Variants in ARNT observed in about 807,000 individuals in gnomAD.
The protein encoded by ARNT is class E basic helix-loop-helix protein 2.
In ARNT, 30 loss-of-function variants were observed where a neutral mutation model predicts 105.0. The observed-to-expected ratio is 0.29, with a 90% CI of 0.21 to 0.39. The LOEUF is 0.39. ARNT is among the 10% of genes least tolerant of loss of function. The pLI is 1.00. For missense variants in ARNT, 748 were observed against 978.7 expected (o/e 0.76, Z 3.15); for synonymous variants, 304 against 344.0 (o/e 0.88, Z 1.29).
chr1:150,867,543 T>G (rs587660089), intron 1 of ARNT, among the ~76,000 whole-genome samples: 1 of 152,246 alleles, frequency 6.6e-6, no homozygotes, highest in Admixed American at 6.5e-5. Flanking sequence ...AAGAGAGAGA[T>G]ATCTTTTAAA....
At chr1:150,844,156 TTA>T (rs1340022201) in intron 4 of ARNT, among the ~76,000 whole-genome samples, 1 of 152,262 alleles carries the variant, frequency 6.6e-6, no homozygotes, top group African/African-American at 2.4e-5. Context: ...ACTTCTCATT[TTA>T]GAGATGGTTC....
In ARNT at chr1:150,831,865, A is replaced by T. The variant is rs186496166; in HGVS notation, c.908T>A (p.Phe303Tyr). 1 of 1,598,442 alleles carries T rather than the reference A, an allele frequency of 6.3e-7. No individual in the cohort carries two copies. The highest frequency in any genetic ancestry group is 8.5e-7 in the Non-Finnish European group (1 of 1,176,134). ...LGSVKDGEPH[F>Y]VVVHCTGYIK... Reference sequence around the variant, plus strand: ...GTAGCCTGTGCAGTGGACCACCACGAAGTGAGGTTCCCCATCCTTTACAGA... The same window carrying T: ...GTAGCCTGTGCAGTGGACCACCACGTAGTGAGGTTCCCCATCCTTTACAGA... The change falls in exon 10 of 22, where the codon TTC becomes TAC. Residue 303 changes from phenylalanine to tyrosine, a missense_variant. Transcript: ENST00000358595.
intron 2 of ARNT, among the ~76,000 whole-genome samples, chr1:150,856,134 C>A (rs1297619070): frequency 6.6e-6 from 1 of 152,182 alleles, no homozygotes; most frequent in Admixed American, 6.5e-5. Context: ...TCTGTATTTT[C>A]CAATCTTTCT....
rs770675326 is a variant in ARNT at position 150,816,329 on chromosome 1, C to T, written c.1880G>A (p.Arg627His). The change falls in exon 19 of 22, where the codon CGC becomes CAC. Residue 627 changes from arginine to histidine, a missense_variant. This residue lies in a region of ARNT where 360 missense variants were observed against 411.9 expected (regional missense o/e 0.87). Coordinates refer to ENST00000358595, the MANE Select transcript of ARNT (RefSeq NM_001668.4). The stretch of plus-strand genomic sequence containing the variant: ...TGCTCCTTGGGTGGGGTTGGAGTGG[C>T]GGGAAATCTGGGCCAACATCTGTCC... ...SAGQMLAQIS[R>H]HSNPTQGATP... is the part of the protein sequence containing the mutation. 15 of 1,606,890 alleles carry T rather than the reference C, an allele frequency of 9.3e-6. No individual in the cohort carries two copies. Among genetic ancestry groups the T allele is most frequent in the South Asian group, 4.4e-5 (4 of 90,010 alleles).
intron 2 of ARNT, among the ~76,000 whole-genome samples, chr1:150,857,454 T>C (rs1664839530): frequency 6.6e-6 from 1 of 152,224 alleles, no homozygotes; most frequent in African/African-American, 2.4e-5. Flanking sequence ...GGTTAAAATC[T>C]GTAAAGCTAC....
intron 1 of ARNT, among the ~76,000 whole-genome samples, chr1:150,864,472 C>T (rs367823412): frequency 2.2e-4 from 34 of 151,680 alleles, no homozygotes; most frequent in Middle Eastern, 3.4e-3. Context: ...GGGACATGGA[C>T]GAAATTGGAA....
At position 150,862,861 on chromosome 1, in the gene ARNT, G is replaced by A. The variant is rs146132507; in HGVS notation, c.26-4401C>T. On this transcript the variant is annotated intron_variant, in intron 1 of 21. Transcript: ENST00000358595. The stretch of plus-strand genomic sequence containing the variant: ...ACATCAGGAGTTCGAGACCAGCCTG[G>A]CCAATATGGTGAAACTCCGTGTCTA... Among the ~76,000 whole-genome samples the A allele has an allele frequency of 3.2e-3, 493 of 151,722 alleles. 2 individuals are homozygous for A. Among genetic ancestry groups the A allele is most frequent in the African/African-American group, 0.011 (472 of 41,386 alleles).
At chr1:150,854,694 T>C (rs892571013) in intron 2 of ARNT, among the ~76,000 whole-genome samples, 1 of 151,604 alleles carries the variant, frequency 6.6e-6, no homozygotes, top group African/African-American at 2.4e-5. Context: ...TCGTCTCTAC[T>C]AAAAATACAA....
At chr1:150,822,571 A>G (rs1016739526) in intron 14 of ARNT, among the ~76,000 whole-genome samples, 8 of 152,142 alleles carry the variant, frequency 5.3e-5, no homozygotes, top group African/African-American at 1.9e-4. Context: ...AAGGGTCTGA[A>G]AGCTCTGCAC....
At position 150,817,426 on chromosome 1, in the gene ARNT, G is replaced by C; in HGVS notation, c.1513C>G (p.Gln505Glu). Residue 505 changes from glutamine (Q) to glutamate (E), a missense_variant, in exon 16 of 22, where the codon CAA becomes GAA. Physicochemically the swap from Gln to Glu is conservative, Grantham distance 29. Coordinates refer to ENST00000358595, the MANE Select transcript of ARNT (RefSeq NM_001668.4). ...GSGQLAPRQQ[Q>E]QQTELDMVPG... ...ACCATGTCCAATTCTGTTTGCTGTT[G>C]CTGCTGCCTATATGTCAAAGGCCAG... 6.8e-6 allele frequency: 11 copies of C among 1,614,020 alleles called. No individual in the cohort carries two copies. The highest frequency in any genetic ancestry group is 6.8e-6 in the Non-Finnish European group (8 of 1,179,992).
Position 150,852,785 on chromosome 1 carries a change from T to G in ARNT, c.159A>C (p.Gly53=). The G allele has an allele frequency of 6.2e-7, 1 of 1,613,968 alleles. No homozygotes were observed. The highest frequency in any genetic ancestry group is 8.5e-7 in the Non-Finnish European group (1 of 1,179,936). Residue 53 remains glycine, a synonymous_variant, in exon 3 of 22, where the codon GGA becomes GGC. Coordinates refer to ENST00000358595, the MANE Select transcript of ARNT (RefSeq NM_001668.4). ...ACCTCAAAAATTTACTGTTCCCTTCTCCATCATCATCAAAATCCAGCCTGA... is the reference window on the plus strand; with the variant it reads ...ACCTCAAAAATTTACTGTTCCCTTCGCCATCATCATCAAAATCCAGCCTGA... ...RRPGLDFDDD[G]EGNSKFLRCD...
At chr1:150,814,303 C>A in intron 19 of ARNT, 64 bp from the exon 20 acceptor site, 1 of 1,503,728 alleles carries the variant, frequency 6.7e-7, no homozygotes, top group South Asian at 1.2e-5. Flanking sequence ...ACATACCATG[C>A]CTATGAGAGT....
intron 20 of ARNT, 150 bp downstream of exon 20, chr1:150,813,927 G>C: frequency 9.0e-7 from 1 of 1,106,294 alleles, no homozygotes; most frequent in Non-Finnish European, 1.3e-6. Flanking sequence ...CACCCAGCTG[G>C]TAGGTTTTAA....
At chr1:150,818,787 T>G (rs943340912) in intron 14 of ARNT, among the ~76,000 whole-genome samples, 1 of 151,974 alleles carries the variant, frequency 6.6e-6, no homozygotes, top group African/African-American at 2.4e-5. Flanking sequence ...AAAAGCTAAT[T>G]AAAATTAATC....
At chr1:150,834,429 G>T (rs1049196838) in intron 8 of ARNT, 109 bp downstream of exon 8, 3 of 1,031,190 alleles carry the variant, frequency 2.9e-6, no homozygotes, top group Non-Finnish European at 4.4e-6. Context: ...TGGGTATGGA[G>T]AGTTAAATTT....
intron 19 of ARNT, among the ~76,000 whole-genome samples, chr1:150,815,713 A>T (rs909806256): frequency 6.6e-6 from 1 of 151,324 alleles, no homozygotes; most frequent in Non-Finnish European, 1.5e-5. Flanking sequence ...CAAAAAAAAA[A>T]AATTAGGCGC....
At chr1:150,832,602 A>G (rs1258120778) in intron 8 of ARNT, among the ~76,000 whole-genome samples, 1 of 152,244 alleles carries the variant, frequency 6.6e-6, no homozygotes, top group African/African-American at 2.4e-5. Context: ...TATGTTCTTC[A>G]TATGCAAACA....
chr1:150,847,917 A>T (rs1229608233), intron 3 of ARNT, among the ~76,000 whole-genome samples: 1 of 152,188 alleles, frequency 6.6e-6, no homozygotes, highest in Non-Finnish European at 1.5e-5. Context: ...GGCAAAGTTC[A>T]TCTAGTGAGT....
chr1:150,839,740 C>A, intron 5 of ARNT, 86 bp from the exon 6 acceptor site: 1 of 1,355,066 alleles, frequency 7.4e-7, no homozygotes, highest in Non-Finnish European at 1.0e-6. Context: ...ACCAAGTGTG[C>A]TGCTGAAGAA....
Sources: allele counts gnomAD v4.1 joint callset (sites outside exome capture counted in the v4.1 genomes callset), GRCh38; gene constraint gnomAD v4.1.1; regional missense constraint gnomAD v4.1.1; transcripts MANE v1.5; gene names NCBI Gene and HGNC (gene_info 2026-07-23, HGNC 2026-07-21).